PLCB1: variants seen among roughly 807,000 people sequenced by gnomAD.
PLCB1 encodes 1-phosphatidylinositol 4,5-bisphosphate phosphodiesterase beta-1.
In PLCB1, 46 loss-of-function variants were observed where a neutral mutation model predicts 161.8. The ratio of observed to expected loss-of-function variants is 0.28; its 90% CI spans 0.22 to 0.36. The LOEUF (loss-of-function observed/expected upper bound fraction) is 0.36, where lower values mean the gene tolerates loss of function less well. Ranked by LOEUF, PLCB1 falls within the 10% of genes least tolerant of loss-of-function variation. The pLI is 1.00. For synonymous variants in PLCB1, 517 were observed against 503.7 expected, an observed-to-expected ratio of 1.03 and a Z score of -0.35; for missense variants, 1,016 against 1,472.5, an observed-to-expected ratio of 0.69 and a Z score of 5.07.
intron 31 of PLCB1, among the ~76,000 whole-genome samples, chr20:8,805,337 G>C (rs1984484934): frequency 6.6e-6 from 1 of 152,148 alleles, no homozygotes; most frequent in African/African-American, 2.4e-5. Context: ...GTATACATAA[G>C]TCTTTAGATA....
At chr20:8,763,277 T>C (rs1049552036) in intron 25 of PLCB1, among the ~76,000 whole-genome samples, 4 of 152,204 alleles carry the variant, frequency 2.6e-5, no homozygotes, top group South Asian at 2.1e-4. Flanking sequence ...TCGCGGCTCA[T>C]TGAAACCTCC....
chr20:8,837,127 C>T (rs1261900994), intron 31 of PLCB1, among the ~76,000 whole-genome samples: 1 of 152,150 alleles, frequency 6.6e-6, no homozygotes, highest in Non-Finnish European at 1.5e-5. Context: ...CCTCTCCAGC[C>T]TCTTCTAAGG....
intron 3 of PLCB1, among the ~76,000 whole-genome samples, chr20:8,385,344 C>T (rs1161478452): frequency 1.3e-5 from 2 of 152,186 alleles, no homozygotes; most frequent in African/African-American, 4.8e-5. Flanking sequence ...TGTGGGGGAA[C>T]CTCTTGGGAC....
chr20:8,577,832 AAGGC>A (rs1473117363), intron 3 of PLCB1, among the ~76,000 whole-genome samples: 1 of 152,140 alleles, frequency 6.6e-6, no homozygotes, highest in Non-Finnish European at 1.5e-5. Context: ...TTAAAATGCC[AAGGC>A]ACTTATAATG....
At chr20:8,803,432 T>TG (rs1491321570) in intron 31 of PLCB1, among the ~76,000 whole-genome samples, 1 of 21,908 alleles carries the variant, frequency 4.6e-5, no homozygotes, top group Non-Finnish European at 2.0e-4. Context: ...GGGCCTTTGA[T>TG]TTTTTTTTTT....
chr20:8,820,382 G>T (rs1985283286), intron 31 of PLCB1, among the ~76,000 whole-genome samples: 1 of 151,858 alleles, frequency 6.6e-6, no homozygotes, highest in South Asian at 2.1e-4. Context: ...ATATAAATAG[G>T]CTCAAGCTCA....
At chr20:8,795,083 C>A (rs1001400157) in intron 31 of PLCB1, among the ~76,000 whole-genome samples, 1 of 152,172 alleles carries the variant, frequency 6.6e-6, no homozygotes, top group African/African-American at 2.4e-5. Context: ...TTCAATTCTG[C>A]ATGTGAGCTG....
intron 3 of PLCB1, among the ~76,000 whole-genome samples, chr20:8,413,169 G>A (rs1979117883): frequency 6.6e-6 from 1 of 152,056 alleles, no homozygotes. Context: ...TACATTTATG[G>A]ATTTGATTTC....
chr20:8,705,541 A>G (rs1978623882), intron 11 of PLCB1, among the ~76,000 whole-genome samples: 1 of 152,232 alleles, frequency 6.6e-6, no homozygotes, highest in African/African-American at 2.4e-5. Flanking sequence ...AATCTAAATC[A>G]GTGGGCAAGG....
intron 2 of PLCB1, among the ~76,000 whole-genome samples, chr20:8,274,376 A>C (rs985579140): frequency 5.9e-5 from 9 of 152,172 alleles, no homozygotes; most frequent in Non-Finnish European, 1.3e-4. Flanking sequence ...GAAGCCTTAA[A>C]ATTTTTGTTT....
At chr20:8,752,259 A>G (rs1282831562) in intron 23 of PLCB1, 3 of 152,230 alleles carry the variant, frequency 2.0e-5, no homozygotes, top group Non-Finnish European at 4.4e-5. Context: ...CATATAGTCC[A>G]TATTCAAATA....
chr20:8,323,561 G>T (rs1985010992), intron 2 of PLCB1, among the ~76,000 whole-genome samples: 1 of 152,076 alleles, frequency 6.6e-6, no homozygotes, highest in Admixed American at 6.5e-5. Context: ...ATGGATTCAG[G>T]ATAGTAGGGC....
intron 23 of PLCB1, among the ~76,000 whole-genome samples, chr20:8,746,722 A>G (rs1413538469): frequency 6.6e-6 from 1 of 152,210 alleles, no homozygotes; most frequent in Non-Finnish European, 1.5e-5. Context: ...CCATTTAACA[A>G]ATGAAGAAAC....
chr20:8,395,910 A>G (rs777870309), intron 3 of PLCB1, among the ~76,000 whole-genome samples: 14 of 152,016 alleles, frequency 9.2e-5, no homozygotes, highest in African/African-American at 3.1e-4. Context: ...TTCCCCTGAT[A>G]CTTAACTGTA....
intron 12 of PLCB1, among the ~76,000 whole-genome samples, chr20:8,709,555 A>G (rs1437595699): frequency 6.6e-6 from 1 of 152,048 alleles, no homozygotes; most frequent in African/African-American, 2.4e-5. Context: ...CCTCCTTCCT[A>G]TTGGGAGTCT....
At chr20:8,176,414 A>G (rs536557250) in intron 2 of PLCB1, among the ~76,000 whole-genome samples, 168 of 152,342 alleles carry the variant, frequency 1.1e-3, no homozygotes, top group African/African-American at 3.9e-3. Flanking sequence ...GATTCCATTT[A>G]TATAAGAGTT....
chr20:8,704,912 G>A (rs143236932), intron 11 of PLCB1, among the ~76,000 whole-genome samples: 1 of 150,892 alleles, frequency 6.6e-6, no homozygotes, highest in African/African-American at 2.4e-5. Context: ...CCAAGTCCAA[G>A]TCTCAAGGTA....
intron 16 of PLCB1, among the ~76,000 whole-genome samples, chr20:8,726,473 G>A (rs758761002): frequency 3.9e-5 from 6 of 152,074 alleles, no homozygotes; most frequent in Non-Finnish European, 5.9e-5. Flanking sequence ...TTGACTCACA[G>A]TTCTGCATGG....
chr20:8,247,748 C>T (rs1472711430), intron 2 of PLCB1, among the ~76,000 whole-genome samples: 2 of 151,656 alleles, frequency 1.3e-5, no homozygotes, highest in African/African-American at 4.8e-5. Flanking sequence ...AGGAAATGAC[C>T]CTCTCAAGTC....
Sources: allele counts gnomAD v4.1 joint callset (sites outside exome capture counted in the v4.1 genomes callset), GRCh38; gene constraint gnomAD v4.1.1; transcripts MANE v1.5; gene names NCBI Gene and HGNC (gene_info 2026-07-23, HGNC 2026-07-21).